Variants in SOX5 observed in about 807,000 individuals in gnomAD.
SOX5 encodes transcription factor SOX-5.
A neutral mutation model predicts 92.0 loss-of-function variants in SOX5; 9 were observed. The observed-to-expected ratio is 0.10, with a 90% CI of 0.06 to 0.17. The LOEUF (loss-of-function observed/expected upper bound fraction) is 0.17. Among genes scored for constraint, SOX5 ranks in the 10% least tolerant of loss-of-function variants. The pLI is 1.00. For synonymous variants in SOX5, 344 were observed against 336.3 expected (o/e 1.02, Z -0.25); for missense variants, 642 against 944.5 (o/e 0.68, Z 4.20).
rs576701098 is a variant in SOX5 at position 24,415,270 on chromosome 12, GA to G, written c.-250-46632del. 9.3e-4 allele frequency among the ~76,000 whole-genome samples: 142 copies of G among 152,274 alleles called. 1 individual carries two copies. Among genetic ancestry groups the G allele is most frequent in the African/African-American group, 3.1e-3 (130 of 41,554 alleles). On this transcript the variant is annotated intron_variant, in intron 1 of 4. Transcript: ENST00000446891. ...ATAGACCATAAACTGTAAATAGGAA[GA>G]AAGTATATTAATCCATCTTTTGTTG...
At chr12:24,092,337 C>T (rs1944756399) in intron 4 of SOX5, among the ~76,000 whole-genome samples, 1 of 151,834 alleles carries the variant, frequency 6.6e-6, no homozygotes. Context: ...TCTTAATCTA[C>T]TTTAAAGATC....
At chr12:24,109,661 C>T (rs535799260) in intron 4 of SOX5, among the ~76,000 whole-genome samples, 9 of 152,206 alleles carry the variant, frequency 5.9e-5, no homozygotes, top group African/African-American at 2.2e-4. Flanking sequence ...AGATTGATCT[C>T]TTTATAGGTG....
intron 1 of SOX5, among the ~76,000 whole-genome samples, chr12:24,373,908 G>T (rs1956986298): frequency 6.6e-6 from 1 of 152,148 alleles, no homozygotes; most frequent in African/African-American, 2.4e-5. Context: ...TAGAACAGAG[G>T]GGCCACTAAT....
intron 4 of SOX5, among the ~76,000 whole-genome samples, chr12:24,172,494 G>GT (rs1417130002): frequency 6.6e-6 from 1 of 152,080 alleles, no homozygotes; most frequent in East Asian, 1.9e-4. Context: ...AGCTGTGTTC[G>GT]TGTCATTGCA....
chr12:23,577,358 T>G (rs978360154), intron 9 of SOX5, among the ~76,000 whole-genome samples: 8 of 151,160 alleles, frequency 5.3e-5, no homozygotes, highest in African/African-American at 1.9e-4. Flanking sequence ...CACCACCACG[T>G]CCGGCTAATT....
intron 4 of SOX5, among the ~76,000 whole-genome samples, chr12:24,074,726 C>T (rs75703726): frequency 0.024 from 3,594 of 147,802 alleles, 62 homozygotes; most frequent in Non-Finnish European, 0.037. Flanking sequence ...AATTCCAAAG[C>T]TTTTCATACC....
chr12:23,874,748 T>G (rs1568531852), intron 2 of SOX5, among the ~76,000 whole-genome samples: 1 of 152,164 alleles, frequency 6.6e-6, no homozygotes, highest in Non-Finnish European at 1.5e-5. Context: ...GAGGGATATT[T>G]AAACCTGAAC....
At chr12:23,778,410 A>G (rs1053196968) in intron 3 of SOX5, among the ~76,000 whole-genome samples, 6 of 152,208 alleles carry the variant, frequency 3.9e-5, no homozygotes, top group African/African-American at 1.2e-4. Flanking sequence ...TGAACGGGAC[A>G]ATATCATCCT....
chr12:23,661,393 C>T (rs2083031318), intron 7 of SOX5, among the ~76,000 whole-genome samples: 1 of 152,140 alleles, frequency 6.6e-6, no homozygotes, highest in South Asian at 2.1e-4. Context: ...AAGCCATGTG[C>T]TGCAGGAAGA....
At position 24,383,207 on chromosome 12, in the gene SOX5, C is replaced by A. The variant is rs539263147; in HGVS notation, c.-250-14568G>T. ...AGCTGGGATTATAGGTGTGAACCAC[C>A]CCGCCTGGCCCAAATGAGTCTTTAT... On this transcript the variant is annotated intron_variant, in intron 1 of 4. Coordinates refer to the SOX5 transcript ENST00000446891. 2.1e-3 allele frequency among the ~76,000 whole-genome samples: 318 copies of A among 152,270 alleles called. 2 individuals carry two copies. Among genetic ancestry groups the A allele is most frequent in the African/African-American group, 7.1e-3 (295 of 41,544 alleles).
chr12:24,133,129 ACT>A (rs1026356656), intron 4 of SOX5, among the ~76,000 whole-genome samples: 8 of 152,206 alleles, frequency 5.3e-5, no homozygotes, highest in Non-Finnish European at 1.0e-4. Flanking sequence ...AAGGCTTCCC[ACT>A]CTGTTTTAAT....
intron 1 of SOX5, among the ~76,000 whole-genome samples, chr12:24,457,131 T>G (rs76697433): frequency 0.035 from 5,309 of 152,264 alleles, 135 homozygotes; most frequent in Non-Finnish European, 0.047. Flanking sequence ...ACATTCCAAA[T>G]AGAGTTCTCA....
At chr12:24,000,482 C>A (rs1427548855) in intron 4 of SOX5, among the ~76,000 whole-genome samples, 1 of 151,994 alleles carries the variant, frequency 6.6e-6, no homozygotes, top group Non-Finnish European at 1.5e-5. Context: ...TAGTATCCAA[C>A]TGATCTACAT....
chr12:23,846,590 G>T (rs2096577811), intron 2 of SOX5, among the ~76,000 whole-genome samples: 2 of 152,028 alleles, frequency 1.3e-5, no homozygotes, highest in South Asian at 4.1e-4. Context: ...TTTCTTATGG[G>T]TATTAAATGT....
At chr12:23,893,637 T>G (rs1327565723) in intron 2 of SOX5, among the ~76,000 whole-genome samples, 1 of 152,162 alleles carries the variant, frequency 6.6e-6, no homozygotes, top group Non-Finnish European at 1.5e-5. Context: ...TCTCTGCAAA[T>G]GTATATGTTT....
At chr12:23,993,506 C>T (rs1163461353) in intron 4 of SOX5, among the ~76,000 whole-genome samples, 1 of 152,124 alleles carries the variant, frequency 6.6e-6, no homozygotes, top group African/African-American at 2.4e-5. Flanking sequence ...ATCATGACTT[C>T]ATCTCAGACT....
chr12:24,313,770 C>G (rs7978406), intron 2 of SOX5, among the ~76,000 whole-genome samples: 70,933 of 152,030 alleles, frequency 0.47, 17,917 homozygotes, highest in Admixed American at 0.62. Flanking sequence ...CTTCCTTACT[C>G]ATGAACCCCA....
intron 3 of SOX5, among the ~76,000 whole-genome samples, chr12:24,243,429 T>G (rs756232042): frequency 1.4e-4 from 22 of 152,186 alleles, no homozygotes; most frequent in South Asian, 2.1e-4. Flanking sequence ...TTGTCTTAAC[T>G]GCAACCAAGT....
intron 4 of SOX5, among the ~76,000 whole-genome samples, chr12:24,073,812 A>G (rs1404959096): frequency 1.3e-5 from 2 of 152,252 alleles, no homozygotes; most frequent in Non-Finnish European, 2.9e-5. Flanking sequence ...AATAAATAAT[A>G]CACAATGAAT....
Sources: gnomAD v4.1 joint callset for allele counts (sites outside exome capture counted in the v4.1 genomes callset) on GRCh38, gnomAD v4.1.1 for gene constraint, MANE v1.5 for transcripts, NCBI Gene and HGNC (gene_info 2026-07-23, HGNC 2026-07-21) for gene names.